Variants in DOCK3 observed in about 807,000 individuals in gnomAD.
The protein encoded by DOCK3 is dedicator of cytokinesis 3, also known as dedicator of cytokinesis protein 3.
In DOCK3, 60 loss-of-function variants were observed where a neutral mutation model predicts 265.6. That is an observed-to-expected ratio of 0.23 (90% CI 0.18 to 0.28). The LOEUF (loss-of-function observed/expected upper bound fraction) is 0.28, where lower values mean the gene tolerates loss of function less well. DOCK3 is among the 10% of genes least tolerant of loss of function. The pLI, the probability that DOCK3 is intolerant of heterozygous loss-of-function variation, is 1.00. For synonymous variants in DOCK3, 881 were observed against 938.0 expected (o/e 0.94, Z 1.11); for missense variants, 1,981 against 2,594.3 (o/e 0.76, Z 5.14).
chr3:50,918,157 C>G (rs952414172), intron 4 of DOCK3, among the ~76,000 whole-genome samples: 1 of 152,108 alleles, frequency 6.6e-6, no homozygotes, highest in Non-Finnish European at 1.5e-5. Flanking sequence ...TCCAGTCTAT[C>G]ATTGATGGAC....
intron 1 of DOCK3, among the ~76,000 whole-genome samples, chr3:50,746,631 A>G (rs1029857142): frequency 3.9e-5 from 6 of 152,178 alleles, no homozygotes; most frequent in Admixed American, 2.0e-4. Context: ...ATTGGTTCAC[A>G]GTTCTGCAGG....
intron 2 of DOCK3, among the ~76,000 whole-genome samples, chr3:50,783,859 T>A (rs2042046797): frequency 6.6e-6 from 1 of 151,548 alleles, no homozygotes; most frequent in Admixed American, 6.6e-5. Flanking sequence ...CTTTGATCCA[T>A]CTTGAGTTGA....
chr3:51,105,132 A>C (rs946935485), intron 9 of DOCK3, among the ~76,000 whole-genome samples: 31 of 152,206 alleles, frequency 2.0e-4, no homozygotes. Flanking sequence ...CAAGCATTTG[A>C]TGTTGTTATA....
At chr3:51,262,002 A>G (rs1162206259) in intron 23 of DOCK3, among the ~76,000 whole-genome samples, 1 of 152,102 alleles carries the variant, frequency 6.6e-6, no homozygotes, top group African/African-American at 2.4e-5. Flanking sequence ...GCAGACTTAA[A>G]TGTTCCTGCC....
At chr3:50,815,278 A>T (rs943614108) in intron 2 of DOCK3, among the ~76,000 whole-genome samples, 2 of 152,168 alleles carry the variant, frequency 1.3e-5, no homozygotes, top group Admixed American at 6.5e-5. Context: ...ATTAATTCAT[A>T]GCTTATCTGT....
Position 51,068,409 on chromosome 3 carries a change from G to A in DOCK3, c.464+3813G>A, listed in dbSNP as rs369320792. ...CAAAAAATTAGCCGGGCGTGGTGGCGGGCGCCTGTAGTCCCAGCTACTCGG... is the reference window on the plus strand; with the variant it reads ...CAAAAAATTAGCCGGGCGTGGTGGCAGGCGCCTGTAGTCCCAGCTACTCGG... On this transcript the variant is annotated intron_variant, in intron 6 of 52. Coordinates refer to ENST00000266037, the MANE Select transcript of DOCK3 (RefSeq NM_004947.5). Among the ~76,000 whole-genome samples, 19 of 151,912 alleles carry A rather than the reference G, an allele frequency of 1.3e-4. No homozygotes were observed. In the East Asian group the frequency reaches 2.7e-3, roughly 22 times the overall value.
chr3:51,049,795 A>T (rs928158628), intron 5 of DOCK3, among the ~76,000 whole-genome samples: 1 of 145,380 alleles, frequency 6.9e-6, no homozygotes, highest in African/African-American at 2.5e-5. Flanking sequence ...TAATGGGTCC[A>T]CACACACACA....
At chr3:51,226,626 G>A (rs184021434) in intron 15 of DOCK3, among the ~76,000 whole-genome samples, 1 of 152,340 alleles carries the variant, frequency 6.6e-6, no homozygotes, top group East Asian at 1.9e-4. Context: ...TTTGCATGGA[G>A]CATGCCAGTG....
At chr3:51,221,831 G>T (rs2090112373) in intron 14 of DOCK3, among the ~76,000 whole-genome samples, 1 of 152,070 alleles carries the variant, frequency 6.6e-6, no homozygotes, top group Non-Finnish European at 1.5e-5. Context: ...CGTCATCAGG[G>T]CTACCCTCAG....
intron 3 of DOCK3, among the ~76,000 whole-genome samples, chr3:50,883,772 A>T (rs1464287528): frequency 6.6e-6 from 1 of 152,200 alleles, no homozygotes; most frequent in East Asian, 1.9e-4. Context: ...CATAACGTTT[A>T]CCATGAGTGA....
chr3:51,373,025 G>T (rs909494052), intron 49 of DOCK3, among the ~76,000 whole-genome samples: 6 of 152,138 alleles, frequency 3.9e-5, no homozygotes, highest in African/African-American at 1.4e-4. Context: ...CAGCCCTGAG[G>T]TTCTACAAAC....
intron 9 of DOCK3, among the ~76,000 whole-genome samples, chr3:51,104,359 T>A (rs1231988149): frequency 6.6e-6 from 1 of 152,108 alleles, no homozygotes; most frequent in African/African-American, 2.4e-5. Context: ...TGTAAATGCT[T>A]TGGATTTTAC....
At position 51,208,788 on chromosome 3, in the gene DOCK3, G is replaced by A; in HGVS notation, c.1052G>A (p.Ser351Asn). The change falls in exon 13 of 53, where the codon AGT (serine) becomes AAT (asparagine). Residue 351 changes from serine (S) to asparagine (N), a missense_variant. Physicochemically the swap from Ser to Asn is conservative, Grantham distance 46. This residue lies in a region of DOCK3 where 456 missense variants were observed against 539.0 expected (regional missense o/e 0.85). Transcript: ENST00000266037. Reference protein sequence around the residue: ...VLKVYTCNNESEWSQIHENII... With the variant: ...VLKVYTCNNENEWSQIHENII... ...TTCTGTTACAGGTGCAACAACGAGA[G>A]TGAGTGGTCCCAGATCCACGAGAAC... is the stretch of plus-strand genomic sequence containing the variant. 6.2e-7 allele frequency: 1 copy of A among 1,610,626 alleles called. No individual in the cohort carries two copies.
chr3:51,358,781 A>G (rs890587527), intron 46 of DOCK3, among the ~76,000 whole-genome samples: 1 of 152,214 alleles, frequency 6.6e-6, no homozygotes, highest in Non-Finnish European at 1.5e-5. Flanking sequence ...GGTTTGGCCC[A>G]AGGACTTAAA....
At chr3:51,126,215 G>A (rs1357920314) in intron 9 of DOCK3, among the ~76,000 whole-genome samples, 1 of 152,110 alleles carries the variant, frequency 6.6e-6, no homozygotes, top group African/African-American at 2.4e-5. Flanking sequence ...ATTTCAGCAT[G>A]CCATTCAAAA....
intron 1 of DOCK3, among the ~76,000 whole-genome samples, chr3:50,690,363 G>A (rs6446210): frequency 0.86 from 130,155 of 152,000 alleles, 56,022 homozygotes; most frequent in East Asian, 0.95. Context: ...CAAACCCTTG[G>A]CCTCAAGAGA....
intron 5 of DOCK3, among the ~76,000 whole-genome samples, chr3:50,969,001 G>T (rs1220240009): frequency 6.6e-6 from 1 of 152,116 alleles, no homozygotes; most frequent in Non-Finnish European, 1.5e-5. Flanking sequence ...GTCCATTTTG[G>T]CCTGGAGTCC....
At chr3:51,137,783 A>G (rs913400762) in intron 9 of DOCK3, among the ~76,000 whole-genome samples, 11 of 152,204 alleles carry the variant, frequency 7.2e-5, no homozygotes, top group African/African-American at 2.4e-4. Context: ...TTGTCTTGTA[A>G]TATTGCTTAC....
intron 1 of DOCK3, among the ~76,000 whole-genome samples, chr3:50,765,041 CTTAT>C (rs1243928593): frequency 1.8e-5 from 2 of 113,436 alleles, no homozygotes; most frequent in Non-Finnish European, 3.7e-5. Flanking sequence ...GGATTATGGG[CTTAT>C]TTGTTTTGAA....
Sources: allele counts gnomAD v4.1 joint callset (sites outside exome capture counted in the v4.1 genomes callset), GRCh38; gene constraint gnomAD v4.1.1; regional missense constraint gnomAD v4.1.1; transcripts MANE v1.5; gene names NCBI Gene and HGNC (gene_info 2026-07-23, HGNC 2026-07-21).